Variants in UNC13C observed in about 807,000 individuals in gnomAD.
UNC13C encodes the protein unc-13 homolog C.
A neutral mutation model predicts 245.4 loss-of-function variants in UNC13C; 174 were observed. The observed-to-expected ratio is 0.71, with a 90% CI of 0.63 to 0.80. The LOEUF (loss-of-function observed/expected upper bound fraction) is 0.80, where lower values mean the gene tolerates loss of function less well. UNC13C is among the 30% of genes least tolerant of loss of function. The pLI, the probability that UNC13C is intolerant of heterozygous loss-of-function variation, is 0.00. For missense variants in UNC13C, 2,829 were observed against 2,602.9 expected (o/e 1.09, Z -1.89); for synonymous variants, 992 against 895.1 (o/e 1.11, Z -1.93).
At chr15:54,042,788 A>G (rs546209193) in intron 2 of UNC13C, among the ~76,000 whole-genome samples, 70 of 152,116 alleles carry the variant, frequency 4.6e-4, no homozygotes, top group South Asian at 2.5e-3. Flanking sequence ...GGGAGGTGGA[A>G]CTTGCAGTGA....
intron 19 of UNC13C, among the ~76,000 whole-genome samples, chr15:54,453,983 A>G (rs1306177453): frequency 2.0e-5 from 3 of 152,184 alleles, no homozygotes; most frequent in Non-Finnish European, 4.4e-5. Context: ...GTGGATTGGC[A>G]TATTCCAGAC....
At chr15:54,381,212 G>T (rs74635284) in intron 17 of UNC13C, among the ~76,000 whole-genome samples, 2,116 of 152,218 alleles carry the variant, frequency 0.014, 50 homozygotes, top group African/African-American at 0.048. Flanking sequence ...TGATTGAAGA[G>T]ATTGTCCTTT....
chr15:54,492,262 A>C (rs1038472632), intron 19 of UNC13C, among the ~76,000 whole-genome samples: 31 of 152,138 alleles, frequency 2.0e-4, no homozygotes, highest in African/African-American at 6.3e-4. Flanking sequence ...GATACAGTTT[A>C]TATATAGTTT....
intron 18 of UNC13C, among the ~76,000 whole-genome samples, chr15:54,413,153 A>G (rs2040448106): frequency 6.6e-6 from 1 of 152,008 alleles, no homozygotes; most frequent in Non-Finnish European, 1.5e-5. Flanking sequence ...CATTTTATAT[A>G]TTGTGAGATT....
In UNC13C at chr15:54,096,684, G is replaced by A. The variant is rs563865003; in HGVS notation, c.2984-46334G>A. 4.6e-5 allele frequency among the ~76,000 whole-genome samples: 7 copies of A among 152,212 alleles called. No homozygotes were observed. In the South Asian group the frequency reaches 1.4e-3, roughly 32 times the overall value. ...CTTACCATTGCCTGACATTTAGAAT[G>A]GTCTGGCTCCGACCTTTCTCTCCAA... On this transcript the variant is annotated intron_variant, in intron 2 of 32. Transcript: ENST00000260323.
At chr15:53,862,803 TGTAA>T in the UNC13C span, among the ~76,000 whole-genome samples, 159 of 152,280 alleles carry the variant, frequency 1.0e-3, 1 homozygote, top group African/African-American at 3.7e-3. Context: ...AGACTCCATC[TGTAA>T]GTAACATCAC....
chr15:53,917,907 C>T, the UNC13C span, among the ~76,000 whole-genome samples: 1 of 152,032 alleles, frequency 6.6e-6, no homozygotes, highest in South Asian at 2.1e-4. Context: ...GCACAGTCAC[C>T]TGTCTTAGCT....
chr15:53,927,594 A>C, the UNC13C span, among the ~76,000 whole-genome samples: 1 of 152,188 alleles, frequency 6.6e-6, no homozygotes, highest in African/African-American at 2.4e-5. Context: ...GTGGACTTGA[A>C]AGCAGCTGTG....
the UNC13C span, among the ~76,000 whole-genome samples, chr15:53,858,385 A>G: frequency 6.7e-6 from 1 of 148,508 alleles, no homozygotes; most frequent in East Asian, 2.0e-4. Flanking sequence ...TCATTATCTC[A>G]TTTTCTCCTC....
At chr15:54,620,918 G>T (rs998280263) in intron 30 of UNC13C, among the ~76,000 whole-genome samples, 1 of 152,130 alleles carries the variant, frequency 6.6e-6, no homozygotes, top group African/African-American at 2.4e-5. Flanking sequence ...TGGTGTTGGG[G>T]GGAGGAAGGA....
chr15:54,520,456 A>G (rs1012199855), intron 24 of UNC13C, among the ~76,000 whole-genome samples: 1 of 152,176 alleles, frequency 6.6e-6, no homozygotes, highest in African/African-American at 2.4e-5. Flanking sequence ...AAATATAGAC[A>G]TGATTCTCAG....
At chr15:54,265,272 T>TAACAAA (rs2036524215) in intron 9 of UNC13C, 83 bp from the exon 10 acceptor site, 1 of 1,192,736 alleles carries the variant, frequency 8.4e-7, no homozygotes, top group Non-Finnish European at 1.1e-6. Flanking sequence ...AAGAACCAAA[T>TAACAAA]GACAGAAAAA....
chr15:54,539,600 A>G lies in UNC13C; in HGVS notation c.5696+6534A>G, dbSNP rs115131590. Among the ~76,000 whole-genome samples, 1,275 of 152,170 alleles carry G rather than the reference A, an allele frequency of 8.4e-3. 18 individuals carry two copies. The highest frequency in any genetic ancestry group is 0.03 in the African/African-American group (1,231 of 41,554). On this transcript the variant is annotated intron_variant, in intron 26 of 32. Transcript: ENST00000260323. ...TGGTGATGAATAGCAGGCCCAAGCG[A>G]TCCCAATTCACTTCAACCTCTCACT...
At chr15:54,172,703 GAT>G (rs56316345) in intron 4 of UNC13C, among the ~76,000 whole-genome samples, 115 of 78,306 alleles carry the variant, frequency 1.5e-3, no homozygotes, top group African/African-American at 1.6e-3. Context: ...TACACACACA[GAT>G]ATATATATAT....
At chr15:54,135,282 G>A (rs955373123) in intron 2 of UNC13C, among the ~76,000 whole-genome samples, 3 of 151,956 alleles carry the variant, frequency 2.0e-5, no homozygotes, top group Admixed American at 1.3e-4. Context: ...TGTTTCCTTT[G>A]CTGTGCAAAA....
chr15:54,346,639 A>T (rs910644042), intron 17 of UNC13C, among the ~76,000 whole-genome samples: 2 of 152,236 alleles, frequency 1.3e-5, no homozygotes, highest in Admixed American at 1.3e-4. Flanking sequence ...AAGTAGAGAC[A>T]GCTGCAGTTA....
At chr15:54,245,553 G>C (rs1003190561) in intron 7 of UNC13C, among the ~76,000 whole-genome samples, 1 of 152,054 alleles carries the variant, frequency 6.6e-6, no homozygotes, top group Admixed American at 6.5e-5. Flanking sequence ...CAGTTTTATA[G>C]GATGATTACT....
chr15:54,441,302 G>A (rs919841534), intron 19 of UNC13C, among the ~76,000 whole-genome samples: 1 of 151,922 alleles, frequency 6.6e-6, no homozygotes, highest in Non-Finnish European at 1.5e-5. Flanking sequence ...ATAGTTTCAG[G>A]TCTTATGTTT....
intron 20 of UNC13C, among the ~76,000 whole-genome samples, 175 bp from the exon 21 acceptor site, chr15:54,499,904 A>G (rs1337201022): frequency 6.6e-6 from 1 of 152,112 alleles, no homozygotes; most frequent in Non-Finnish European, 1.5e-5. Context: ...GGTAAAGAGG[A>G]GGAGACTGAT....
Sources: allele counts gnomAD v4.1 joint callset (sites outside exome capture counted in the v4.1 genomes callset), GRCh38; gene constraint gnomAD v4.1.1; transcripts MANE v1.5; gene names NCBI Gene and HGNC (gene_info 2026-07-23, HGNC 2026-07-21).